The following AR variants were observed in gnomAD, a reference collection of about 807,000 sequenced individuals.
The protein encoded by AR is dihydrotestosterone receptor.
AR carries 8 observed loss-of-function variants against 53.9 expected under a neutral mutation model. The observed-to-expected ratio is 0.15, with a 90% CI of 0.09 to 0.27. AR has a LOEUF of 0.27. AR is among the 10% of genes least tolerant of loss of function. The probability of loss-of-function intolerance (pLI) is 1.00; values close to 1 mark genes in which losing one functional copy is unlikely to be tolerated. For synonymous variants in AR, 359 were observed against 316.4 expected, an observed-to-expected ratio of 1.13 and a Z score of -1.43; for missense variants, 639 against 742.5, an observed-to-expected ratio of 0.86 and a Z score of 1.62.
intron 1 of AR, among the ~76,000 whole-genome samples, chrX:67,572,141 A>G (rs1008170665): frequency 3.6e-5 from 4 of 111,823 alleles, no homozygotes; most frequent in East Asian, 2.8e-4. Flanking sequence ...GATTTTTCAT[A>G]TAGTAAAATT....
At chrX:67,659,070 A>G (rs1926731466) in intron 2 of AR, among the ~76,000 whole-genome samples, 1 of 110,542 alleles carries the variant, frequency 9.0e-6, no homozygotes, top group African/African-American at 3.3e-5. Flanking sequence ...AGAACTATAA[A>G]TTACATGTGG....
chrX:67,575,100 G>A (rs1808694855), intron 1 of AR, among the ~76,000 whole-genome samples: 1 of 111,238 alleles, frequency 9.0e-6, no homozygotes, highest in South Asian at 3.8e-4. Context: ...GAGGGTATGA[G>A]AATTGGGCCA....
intron 1 of AR, among the ~76,000 whole-genome samples, chrX:67,573,485 T>C (rs1921913875): frequency 8.9e-6 from 1 of 111,798 alleles, no homozygotes; most frequent in Non-Finnish European, 1.9e-5. Flanking sequence ...ATTGGTTTTC[T>C]GAGGTCTTAT....
chrX:67,704,767 T>G (rs1230952562), intron 3 of AR, among the ~76,000 whole-genome samples: 8 of 112,295 alleles, frequency 7.1e-5, no homozygotes, highest in Non-Finnish European at 1.3e-4. Flanking sequence ...TTCTAGGGTT[T>G]TATGGTTTTA....
intron 1 of AR, among the ~76,000 whole-genome samples, chrX:67,602,898 T>A (rs1337814109): frequency 8.9e-6 from 1 of 112,217 alleles, no homozygotes; most frequent in African/African-American, 3.2e-5. Flanking sequence ...ATATTTACCA[T>A]GCAAGGCAAG....
chrX:67,602,592 T>C (rs1200831968), intron 1 of AR, among the ~76,000 whole-genome samples: 1 of 111,983 alleles, frequency 8.9e-6, no homozygotes, highest in African/African-American at 3.2e-5. Flanking sequence ...TAGAGGAGGC[T>C]GCATGGAAAG....
At chrX:67,595,684 C>T (rs1373332181) in intron 1 of AR, among the ~76,000 whole-genome samples, 3 of 106,876 alleles carry the variant, frequency 2.8e-5, no homozygotes, top group Non-Finnish European at 3.8e-5. Flanking sequence ...CGTGATGGTG[C>T]GTGCCTATAG....
chrX:67,691,430 G>A (rs1346141510), intron 3 of AR, among the ~76,000 whole-genome samples: 3 of 111,886 alleles, frequency 2.7e-5, no homozygotes, highest in Non-Finnish European at 5.6e-5. Flanking sequence ...GCATATCATG[G>A]TCCTGCTCAG....
intron 2 of AR, among the ~76,000 whole-genome samples, chrX:67,684,477 T>A (rs1454709789): frequency 9.0e-6 from 1 of 111,173 alleles, no homozygotes; most frequent in East Asian, 2.8e-4. Flanking sequence ...CGATTCAGTG[T>A]GCTTCTTCAG....
rs977444599 is a variant in AR, at chrX:67,597,853, A to T, written c.1617-45403A>T. ...TATCCAACTACCACTTTAAAATTGG[A>T]CAAAGACTTTTGTTGTTGTTGTTGG... On this transcript the variant is annotated intron_variant, in intron 1 of 7. Coordinates refer to ENST00000374690, the MANE Select transcript of AR (RefSeq NM_000044.6). Among the ~76,000 whole-genome samples, 5 of 112,232 alleles carry T rather than the reference A, an allele frequency of 4.5e-5. No individual in the cohort carries two copies. In the Admixed American group the frequency reaches 4.7e-4, roughly 11 times the overall value.
At chrX:67,550,852 T>C (rs910355193) in intron 1 of AR, among the ~76,000 whole-genome samples, 1 of 109,223 alleles carries the variant, frequency 9.2e-6, no homozygotes, top group Non-Finnish European at 1.9e-5. Flanking sequence ...TTCTTTCCAC[T>C]TCTCAGGGTA....
At chrX:67,641,492 C>G (rs112301335) in intron 1 of AR, among the ~76,000 whole-genome samples, 9,309 of 111,568 alleles carry the variant, frequency 0.083, 305 homozygotes, top group African/African-American at 0.12. Context: ...AGTTTTTACC[C>G]AAGGAAATGA....
intron 1 of AR, among the ~76,000 whole-genome samples, chrX:67,553,103 A>C (rs1008792852): frequency 1.8e-5 from 2 of 111,648 alleles, no homozygotes; most frequent in African/African-American, 3.3e-5. Flanking sequence ...GTTTTGGCTT[A>C]TGATTTTGGC....
chrX:67,708,791 G>A (rs1427195005), intron 3 of AR, among the ~76,000 whole-genome samples: 1 of 111,553 alleles, frequency 9.0e-6, no homozygotes, highest in African/African-American at 3.3e-5. Flanking sequence ...TTTGGTCTTT[G>A]ATGATGGTGA....
chrX:67,574,409 T>C (rs1410434691), intron 1 of AR, among the ~76,000 whole-genome samples: 7 of 110,386 alleles, frequency 6.3e-5, no homozygotes, highest in Non-Finnish European at 1.1e-4. Flanking sequence ...AAAATGGAAA[T>C]ATACTCAAGT....
chrX:67,726,781 G>A lies in AR; in HGVS notation c.*2940G>A. The A allele has an allele frequency of 5.7e-6, 1 of 174,434 alleles. No individual in the cohort carries two copies. Among genetic ancestry groups the A allele is most frequent in the Non-Finnish European group, 1.1e-5 (1 of 91,058 alleles). The allele number at this position is 174,434 out of a possible 1,213,427, so 14.4% of individuals were successfully genotyped here. A position where few individuals can be genotyped will look rare whatever the true frequency, so the allele number is the denominator to read the frequency against. On this transcript the variant is annotated 3_prime_UTR_variant, in exon 8 of 8. Coordinates refer to ENST00000374690, the MANE Select transcript of AR (RefSeq NM_000044.6). The stretch of plus-strand genomic sequence containing the variant: ...CATTGATGTTCTAGCCAATGTAATT[G>A]ACAGAAGTCTCATTTTGCATGCGCT...
intron 2 of AR, among the ~76,000 whole-genome samples, chrX:67,654,852 C>T (rs1184432348): frequency 4.2e-5 from 4 of 94,441 alleles, no homozygotes; most frequent in Admixed American, 1.3e-4. Flanking sequence ...TCTAGCATGC[C>T]GTCTCCTACA....
intron 1 of AR, among the ~76,000 whole-genome samples, chrX:67,578,966 T>C (rs1922172515): frequency 8.9e-6 from 1 of 112,169 alleles, no homozygotes; most frequent in Non-Finnish European, 1.9e-5. Flanking sequence ...TTTGTGCCTT[T>C]AGAAGTACTT....
At chrX:67,553,166 T>C (rs914700377) in intron 1 of AR, among the ~76,000 whole-genome samples, 7 of 112,242 alleles carry the variant, frequency 6.2e-5, no homozygotes. Flanking sequence ...TTTACATATG[T>C]TTCCTTCTAA....
Sources: gnomAD v4.1 joint callset for allele counts (sites outside exome capture counted in the v4.1 genomes callset) on GRCh38, gnomAD v4.1.1 for gene constraint, MANE v1.5 for transcripts, NCBI Gene and HGNC (gene_info 2026-07-23, HGNC 2026-07-21) for gene names.